Variants in EPB41L2 observed in about 807,000 individuals in gnomAD.
EPB41L2 encodes band 4.1-like protein 2.
In EPB41L2, 43 loss-of-function variants were observed where a neutral mutation model predicts 113.0. The ratio of observed to expected loss-of-function variants is 0.38; its 90% confidence interval spans 0.30 to 0.49. EPB41L2 has a LOEUF of 0.49. EPB41L2 is among the 20% of genes least tolerant of loss of function. The pLI, the probability that EPB41L2 is intolerant of heterozygous loss-of-function variation, is 0.95. For synonymous variants in EPB41L2, 442 were observed against 436.7 expected (o/e 1.01, Z -0.15); for missense variants, 1,147 against 1,223.4 (o/e 0.94, Z 0.93).
intron 1 of EPB41L2, among the ~76,000 whole-genome samples, chr6:131,024,231 G>A (rs1351776670): frequency 6.6e-6 from 1 of 151,872 alleles, no homozygotes; most frequent in Non-Finnish European, 1.5e-5. Context: ...AGCAGGCAGA[G>A]GGAGGAACAA....
chr6:131,042,707 A>G (rs943288292), intron 1 of EPB41L2, among the ~76,000 whole-genome samples: 2 of 152,220 alleles, frequency 1.3e-5, no homozygotes, highest in Non-Finnish European at 2.9e-5. Flanking sequence ...CTTACTGGGT[A>G]AGAAATCTAA....
intron 19 of EPB41L2, among the ~76,000 whole-genome samples, chr6:130,856,260 T>G (rs1780185120): frequency 2.0e-5 from 3 of 152,160 alleles, no homozygotes; most frequent in Admixed American, 2.0e-4. Flanking sequence ...TTAACCCTAT[T>G]CAACTATTTT....
Position 130,885,111 on chromosome 6 carries a change from C to T in EPB41L2, c.1818G>A (p.Gln606=). 1.9e-6 allele frequency: 3 copies of T among 1,614,082 alleles called. No individual in the cohort carries two copies. Among genetic ancestry groups the T allele is most frequent in the Non-Finnish European group, 2.5e-6 (3 of 1,179,984 alleles). The part of the protein sequence containing the change: ...VRSPTKAPHL[Q]LIEGKKNSLR... ...TTTACCATACCTTTCCTTCAATGAG[C>T]TGCAAATGTGGGGCTTTAGTTGGGC... is the stretch of plus-strand genomic sequence containing the variant. Residue 606 remains glutamine (Q), a synonymous_variant, in exon 12 of 20, where the codon CAG becomes CAA. Transcript: ENST00000337057.
intron 1 of EPB41L2, among the ~76,000 whole-genome samples, chr6:130,979,628 G>A (rs1778933984): frequency 6.6e-6 from 1 of 152,070 alleles, no homozygotes; most frequent in African/African-American, 2.4e-5. Flanking sequence ...AATGGGACTT[G>A]ATAATTAATT....
At chr6:131,001,282 C>CT (rs1784318853) in intron 1 of EPB41L2, among the ~76,000 whole-genome samples, 1 of 151,874 alleles carries the variant, frequency 6.6e-6, no homozygotes, top group Non-Finnish European at 1.5e-5. Flanking sequence ...AATGCCTACT[C>CT]TGAGACAAGC....
At chr6:131,031,491 T>C (rs1252203564) in intron 1 of EPB41L2, among the ~76,000 whole-genome samples, 1 of 152,188 alleles carries the variant, frequency 6.6e-6, no homozygotes, top group Non-Finnish European at 1.5e-5. Context: ...ATTAGAATTA[T>C]CTTATTTAAC....
intron 3 of EPB41L2, among the ~76,000 whole-genome samples, chr6:130,948,125 T>C (rs1813573646): frequency 6.6e-6 from 1 of 152,204 alleles, no homozygotes; most frequent in Middle Eastern, 3.2e-3. Flanking sequence ...ATAATGGCAA[T>C]ATTAAGTAAT....
At chr6:130,926,354 TTC>T (rs1321946053) in intron 4 of EPB41L2, among the ~76,000 whole-genome samples, 1 of 152,222 alleles carries the variant, frequency 6.6e-6, no homozygotes, top group Non-Finnish European at 1.5e-5. Flanking sequence ...TGACATTCTA[TTC>T]TGTCTGCTCA....
chr6:131,004,294 G>A (rs1253601645), intron 1 of EPB41L2, among the ~76,000 whole-genome samples: 3 of 152,170 alleles, frequency 2.0e-5, no homozygotes, highest in Admixed American at 6.5e-5. Flanking sequence ...AATGACAAAA[G>A]TGAACCTGGG....
At chr6:130,986,854 T>C (rs1780677572) in intron 1 of EPB41L2, among the ~76,000 whole-genome samples, 1 of 152,220 alleles carries the variant, frequency 6.6e-6, no homozygotes, top group African/African-American at 2.4e-5. Flanking sequence ...TGTTATATGA[T>C]TTTGATCTCA....
At chr6:131,033,267 A>C (rs1029575323) in intron 1 of EPB41L2, among the ~76,000 whole-genome samples, 2 of 152,198 alleles carry the variant, frequency 1.3e-5, no homozygotes, top group Non-Finnish European at 2.9e-5. Flanking sequence ...AGGGAGAAGG[A>C]AAGAAGGAAG....
intron 3 of EPB41L2, among the ~76,000 whole-genome samples, chr6:130,938,736 G>C (rs372337851): frequency 6.6e-6 from 1 of 151,742 alleles, no homozygotes; most frequent in African/African-American, 2.4e-5. Flanking sequence ...ACTAGAATTC[G>C]ACCACTAGAT....
intron 5 of EPB41L2, among the ~76,000 whole-genome samples, chr6:130,904,866 A>G (rs1342008470): frequency 6.6e-6 from 1 of 151,848 alleles, no homozygotes; most frequent in Non-Finnish European, 1.5e-5. Context: ...TAGTTCTGAG[A>G]TAAGATTCAA....
chr6:130,981,281 G>T (rs1779328076), intron 1 of EPB41L2, among the ~76,000 whole-genome samples: 1 of 152,124 alleles, frequency 6.6e-6, no homozygotes, highest in Non-Finnish European at 1.5e-5. Context: ...AGGCAGAAAA[G>T]TTGTTAAAAA....
rs201663292 is a variant in EPB41L2 at position 131,051,465 on chromosome 6, A to C, written c.-15+11690T>G. Reference sequence around the variant, plus strand: ...ACAAAAGTAAAGCAAAAAAAAAAAAAACACACACACACACACACACAACAG... The same window carrying C: ...ACAAAAGTAAAGCAAAAAAAAAAAACACACACACACACACACACACAACAG... On this transcript the variant is annotated intron_variant, in intron 1 of 19. Coordinates refer to ENST00000337057, the MANE Select transcript of EPB41L2 (RefSeq NM_001431.4). 4.3e-4 allele frequency among the ~76,000 whole-genome samples: 62 copies of C among 143,636 alleles called. 1 individual carries two copies. Among genetic ancestry groups the C allele is most frequent in the East Asian group, 2.9e-3 (13 of 4,538 alleles). The allele number at this position is 143,636 out of a possible 152,430, so 94.2% of individuals were successfully genotyped here. A position where few individuals can be genotyped will look rare whatever the true frequency, so the allele number is the denominator to read the frequency against.
chr6:131,029,372 C>T (rs954850107), intron 1 of EPB41L2, among the ~76,000 whole-genome samples: 1 of 147,958 alleles, frequency 6.8e-6, no homozygotes, highest in Non-Finnish European at 1.5e-5. Flanking sequence ...ATCACACCCA[C>T]CCTACTTCAG....
intron 1 of EPB41L2, among the ~76,000 whole-genome samples, chr6:131,058,478 A>T (rs1798023159): frequency 6.6e-6 from 1 of 152,192 alleles, no homozygotes; most frequent in Non-Finnish European, 1.5e-5. Flanking sequence ...GCAAATAAAC[A>T]TTACCGACAT....
chr6:131,016,593 T>A (rs1197501185), intron 1 of EPB41L2, among the ~76,000 whole-genome samples: 7 of 149,650 alleles, frequency 4.7e-5, no homozygotes, highest in Admixed American at 4.7e-4. Flanking sequence ...CAAACCAACA[T>A]AATAACAGAG....
At chr6:130,911,924 G>A (rs1435047993) in intron 4 of EPB41L2, among the ~76,000 whole-genome samples, 1 of 152,114 alleles carries the variant, frequency 6.6e-6, no homozygotes, top group Non-Finnish European at 1.5e-5. Context: ...CCACGGACTG[G>A]TACCGATCGT....
Sources: allele counts gnomAD v4.1 joint callset (sites outside exome capture counted in the v4.1 genomes callset), GRCh38; gene constraint gnomAD v4.1.1; transcripts MANE v1.5; gene names NCBI Gene and HGNC (gene_info 2026-07-23, HGNC 2026-07-21).